Variants in AHCYL2 observed in about 807,000 individuals in gnomAD.
AHCYL2 encodes the protein adenosylhomocysteinase like 2, also known as S-adenosylhomocysteine hydrolase-like protein 2.
In AHCYL2, 28 loss-of-function variants were observed where a neutral mutation model predicts 81.4. The observed-to-expected ratio is 0.34, with a 90% CI of 0.25 to 0.47. AHCYL2 has a LOEUF of 0.47. Among genes scored for constraint, AHCYL2 ranks in the 20% least tolerant of loss-of-function variants. The probability of loss-of-function intolerance (pLI) is 1.00; values close to 1 mark genes in which losing one functional copy is unlikely to be tolerated. For synonymous variants in AHCYL2, 272 were observed against 290.2 expected, an observed-to-expected ratio of 0.94 and a Z score of 0.64; for missense variants, 551 against 785.1, an observed-to-expected ratio of 0.70 and a Z score of 3.56.
intron 1 of AHCYL2, among the ~76,000 whole-genome samples, chr7:129,234,715 C>T (rs191008965): frequency 5.3e-5 from 8 of 152,064 alleles, no homozygotes; most frequent in South Asian, 2.1e-4. Context: ...AGGCTGGCCT[C>T]GAATTCCTCG....
Position 129,400,158 on chromosome 7 carries a change from AG to A in AHCYL2, c.824-131del, listed in dbSNP as rs534986802. 3.5e-5 allele frequency: 25 copies of A among 713,112 alleles called. No homozygotes were observed. The South Asian group carries it at 4.4e-4, about 13-fold the overall frequency. The allele number at this position is 713,112 out of a possible 1,614,324, so 44.2% of individuals were successfully genotyped here. A position where few individuals can be genotyped will look rare whatever the true frequency, so the allele number is the denominator to read the frequency against. On this transcript the variant is annotated intron_variant, in intron 5 of 16. Transcript: ENST00000325006. ...GGCTGAAGGCAACGCCAATCAGTGA[AG>A]AATGTCAATCCAAGGAGTATAGCAG...
chr7:129,239,032 AT>A (rs1263371372), intron 1 of AHCYL2, among the ~76,000 whole-genome samples: 4 of 151,888 alleles, frequency 2.6e-5, no homozygotes, highest in African/African-American at 9.7e-5. Flanking sequence ...ATCAGGGATC[AT>A]TTACCTGTTA....
intron 1 of AHCYL2, among the ~76,000 whole-genome samples, chr7:129,235,145 A>G (rs1453845662): frequency 6.6e-6 from 1 of 151,990 alleles, no homozygotes; most frequent in East Asian, 1.9e-4. Context: ...TGGACCTCTT[A>G]GCAGCATTTG....
intron 2 of AHCYL2, among the ~76,000 whole-genome samples, chr7:129,385,265 C>G (rs191492931): frequency 1.3e-5 from 2 of 152,120 alleles, no homozygotes; most frequent in Non-Finnish European, 2.9e-5. Context: ...TGCTATAACC[C>G]GACACACAGG....
At chr7:129,262,063 T>A (rs1472039611) in intron 1 of AHCYL2, among the ~76,000 whole-genome samples, 1 of 152,234 alleles carries the variant, frequency 6.6e-6, no homozygotes, top group Non-Finnish European at 1.5e-5. Context: ...TTTGCACTTT[T>A]CATAAGCTTA....
intron 1 of AHCYL2, among the ~76,000 whole-genome samples, chr7:129,366,405 C>A (rs1459256625): frequency 6.6e-6 from 1 of 152,190 alleles, no homozygotes; most frequent in Non-Finnish European, 1.5e-5. Flanking sequence ...AAGGACCATT[C>A]TCTTAAGTAA....
chr7:129,348,159 A>G (rs1011010349), intron 1 of AHCYL2, among the ~76,000 whole-genome samples: 1 of 152,250 alleles, frequency 6.6e-6, no homozygotes, highest in African/African-American at 2.4e-5. Context: ...ACAGCATTGT[A>G]TCATGGTGAT....
At chr7:129,239,300 A>T (rs1263443180) in intron 1 of AHCYL2, among the ~76,000 whole-genome samples, 1 of 152,222 alleles carries the variant, frequency 6.6e-6, no homozygotes, top group African/African-American at 2.4e-5. Flanking sequence ...GGAGCTTGTG[A>T]GATATGAACA....
At chr7:129,387,912 G>T (rs913782945) in intron 2 of AHCYL2, among the ~76,000 whole-genome samples, 1 of 152,182 alleles carries the variant, frequency 6.6e-6, no homozygotes, top group Non-Finnish European at 1.5e-5. Context: ...AGCCCCTGCT[G>T]CCCAAATGGT....
chr7:129,363,027 T>C (rs556777392), intron 1 of AHCYL2, among the ~76,000 whole-genome samples: 7 of 152,178 alleles, frequency 4.6e-5, no homozygotes, highest in African/African-American at 1.7e-4. Context: ...TGGATGACGA[T>C]AGTATCGAGT....
intron 1 of AHCYL2, among the ~76,000 whole-genome samples, chr7:129,357,764 C>T (rs1173538362): frequency 6.6e-6 from 1 of 151,632 alleles, no homozygotes; most frequent in Non-Finnish European, 1.5e-5. Context: ...GAAACCGCAT[C>T]TCTACTAAAA....
chr7:129,378,092 T>A (rs1794775405), intron 1 of AHCYL2, among the ~76,000 whole-genome samples: 1 of 152,138 alleles, frequency 6.6e-6, no homozygotes, highest in African/African-American at 2.4e-5. Context: ...GGCAGGTGGA[T>A]CACAAGGTCA....
chr7:129,247,869 T>C (rs996363678), intron 1 of AHCYL2, among the ~76,000 whole-genome samples: 7 of 152,230 alleles, frequency 4.6e-5, no homozygotes, highest in African/African-American at 1.7e-4. Flanking sequence ...CCCAAAGTGC[T>C]GGGACTGCAA....
intron 1 of AHCYL2, among the ~76,000 whole-genome samples, chr7:129,255,900 G>A (rs1287186205): frequency 1.3e-5 from 2 of 152,048 alleles, no homozygotes; most frequent in Admixed American, 1.3e-4. Flanking sequence ...GAAAGCGGAG[G>A]TTGCAATGAG....
At chr7:129,319,018 A>C (rs1204323140) in intron 1 of AHCYL2, among the ~76,000 whole-genome samples, 4 of 152,160 alleles carry the variant, frequency 2.6e-5, no homozygotes, top group Non-Finnish European at 4.4e-5. Context: ...AATATTTGCA[A>C]CTCACAAAGG....
At chr7:129,226,606 C>CA (rs1794230174) in intron 1 of AHCYL2, among the ~76,000 whole-genome samples, 1 of 152,134 alleles carries the variant, frequency 6.6e-6, no homozygotes, top group South Asian at 2.1e-4. Flanking sequence ...TTGGATCCAC[C>CA]ATAACTTTTT....
intron 1 of AHCYL2, among the ~76,000 whole-genome samples, chr7:129,269,131 G>GTTTTTTTTTTTT (rs55981012): frequency 7.2e-6 from 1 of 139,344 alleles, no homozygotes; most frequent in Non-Finnish European, 1.5e-5. Flanking sequence ...AATGATTCCT[G>GTTTTTTTTTTTT]TTTTTTTTTT....
intron 1 of AHCYL2, chr7:129,351,700 T>G (rs1402458440): frequency 1.3e-5 from 2 of 152,172 alleles, no homozygotes; most frequent in Non-Finnish European, 2.9e-5. Flanking sequence ...CACAAAGCTT[T>G]TGTTAATCAC....
In AHCYL2 at chr7:129,325,197, G is replaced by A. The variant is rs147530716; in HGVS notation, c.364-54441G>A. ...TGAGGGACTTCCTTTAATGTTTCTT[G>A]TACTGCAAGCCTGGTAGTGATGCTT... On this transcript the variant is annotated intron_variant, in intron 1 of 16. Transcript: ENST00000325006. Among the ~76,000 whole-genome samples, 1,156 of 151,978 alleles carry A rather than the reference G, an allele frequency of 7.6e-3. 15 individuals carry two copies. Among genetic ancestry groups the A allele is most frequent in the African/African-American group, 0.026 (1,078 of 41,440 alleles).
Sources: gnomAD v4.1 joint callset for allele counts (sites outside exome capture counted in the v4.1 genomes callset) on GRCh38, gnomAD v4.1.1 for gene constraint, MANE v1.5 for transcripts, NCBI Gene and HGNC (gene_info 2026-07-23, HGNC 2026-07-21) for gene names.